WDR64: variants seen among roughly 807,000 people sequenced by gnomAD.
WDR64 encodes WD repeat domain 64.
In WDR64, 112 loss-of-function variants were observed where a neutral mutation model predicts 139.3. The ratio of observed to expected loss-of-function variants is 0.80; its 90% CI spans 0.69 to 0.94. The LOEUF is 0.94. WDR64 is among the 40% of genes least tolerant of loss of function. The pLI, the probability that WDR64 is intolerant of heterozygous loss-of-function variation, is 0.00. For missense variants in WDR64, 1,206 were observed against 1,293.1 expected (o/e 0.93, Z 1.03); for synonymous variants, 444 against 437.7 (o/e 1.01, Z -0.18).
chr1:241,778,785 A>G (rs1658749450), intron 21 of WDR64, among the ~76,000 whole-genome samples: 1 of 152,124 alleles, frequency 6.6e-6, no homozygotes, highest in African/African-American at 2.4e-5. Context: ...TATAATACCA[A>G]AGTATTCCTA....
chr1:241,750,293 C>T (rs905068145), intron 14 of WDR64, among the ~76,000 whole-genome samples: 2 of 152,142 alleles, frequency 1.3e-5, no homozygotes, highest in African/African-American at 4.8e-5. Context: ...ATCATTTATC[C>T]TGGCTATTGA....
intron 8 of WDR64, among the ~76,000 whole-genome samples, chr1:241,694,651 G>C (rs546552048): frequency 6.6e-6 from 1 of 152,144 alleles, no homozygotes; most frequent in African/African-American, 2.4e-5. Context: ...AACGTATGCA[G>C]ATTGATATGC....
chr1:241,681,172 T>A (rs977628567), intron 6 of WDR64, among the ~76,000 whole-genome samples: 26 of 152,118 alleles, frequency 1.7e-4, no homozygotes, highest in Admixed American at 9.8e-4. Context: ...TTTGGTTACA[T>A]GAGTAAGCTC....
intron 1 of WDR64, among the ~76,000 whole-genome samples, chr1:241,654,630 C>G (rs144782741): frequency 5.8e-4 from 88 of 152,198 alleles, no homozygotes; most frequent in African/African-American, 2.0e-3. Context: ...TAGAGCATAG[C>G]TACCATCTAA....
At chr1:241,757,248 G>T (rs765655131) in intron 14 of WDR64, 35 bp from the exon 15 acceptor site, 1 of 1,575,458 alleles carries the variant, frequency 6.3e-7, no homozygotes, top group Non-Finnish European at 8.6e-7. Context: ...TAAAATAATT[G>T]AACTTTTCAT....
rs964518686 is a variant in WDR64 at position 241,795,341 on chromosome 1, A to G, written c.3078+54A>G. 5.4e-6 allele frequency: 8 copies of G among 1,494,568 alleles called. No homozygotes were observed. In the African/African-American group the frequency reaches 7.0e-5, roughly 13 times the overall value. The allele number at this position is 1,494,568 out of a possible 1,614,324, so 92.6% of individuals were successfully genotyped here. A position where few individuals can be genotyped will look rare whatever the true frequency, so the allele number is the denominator to read the frequency against. On this transcript the variant is annotated intron_variant, in intron 26 of 27. Transcript: ENST00000437684. Reference sequence around the variant, plus strand: ...GTCACAGAACAGTAGAGAATCTGCCATCTCATTCCTGACCCTGGGCTACCA... The same window carrying G: ...GTCACAGAACAGTAGAGAATCTGCCGTCTCATTCCTGACCCTGGGCTACCA...
chr1:241,770,473 T>A, intron 17 of WDR64, 148 bp from the exon 18 acceptor site: 1 of 646,396 alleles, frequency 1.5e-6, no homozygotes, highest in Non-Finnish European at 2.7e-6. Flanking sequence ...TTACACAGAA[T>A]ATAAGGCATG....
chr1:241,702,978 C>T (rs563003094), intron 8 of WDR64, among the ~76,000 whole-genome samples: 2 of 152,086 alleles, frequency 1.3e-5, no homozygotes, highest in Non-Finnish European at 2.9e-5. Context: ...TTCTATTGCA[C>T]CCTCCCTTGC....
chr1:241,692,148 A>G (rs1574013112), intron 8 of WDR64, among the ~76,000 whole-genome samples: 1 of 152,236 alleles, frequency 6.6e-6, no homozygotes, highest in East Asian at 1.9e-4. Flanking sequence ...CTCCAATTAA[A>G]GAAATCAAGG....
rs1191694960 is a variant in WDR64, at chr1:241,703,405, G to C, written c.975-8397G>C. On this transcript the variant is annotated intron_variant, in intron 8 of 27. Transcript: ENST00000437684. This position sits in a 1 kb window ranked among gnomAD's most constrained non-coding sequence, Gnocchi z 5.9. ...ATGGAACAACAGGAGAAAAGTCTGA[G>C]ATGAAGCATGTGGTAATTCAGCCAG... 6.6e-6 allele frequency among the ~76,000 whole-genome samples: 1 copy of C among 151,488 alleles called. No individual in the cohort carries two copies. Among genetic ancestry groups the C allele is most frequent in the Non-Finnish European group, 1.5e-5 (1 of 67,994 alleles).
intron 14 of WDR64, among the ~76,000 whole-genome samples, chr1:241,752,666 A>G (rs535897626): frequency 6.6e-6 from 1 of 152,316 alleles, no homozygotes; most frequent in East Asian, 1.9e-4. Context: ...CCTGGGCAAC[A>G]TAGTGAGACA....
At chr1:241,685,992 A>C (rs2148114705) in intron 7 of WDR64, among the ~76,000 whole-genome samples, 1 of 152,338 alleles carries the variant, frequency 6.6e-6, no homozygotes, top group Middle Eastern at 3.4e-3. Flanking sequence ...TAGATATGTG[A>C]AAAATGAGAT....
chr1:241,658,997 C>G (rs1665722745), intron 1 of WDR64, among the ~76,000 whole-genome samples: 1 of 151,924 alleles, frequency 6.6e-6, no homozygotes, highest in African/African-American at 2.4e-5. Context: ...CACAGATCAT[C>G]CCATCACCAG....
At chr1:241,765,218 T>C (rs1050682377) in intron 15 of WDR64, among the ~76,000 whole-genome samples, 6 of 150,914 alleles carry the variant, frequency 4.0e-5, no homozygotes, top group Admixed American at 2.6e-4. Flanking sequence ...CAAAGAAACA[T>C]GCCTAAAGGA....
chr1:241,794,596 C>T (rs901591680), intron 25 of WDR64, among the ~76,000 whole-genome samples: 2 of 148,922 alleles, frequency 1.3e-5, no homozygotes, highest in African/African-American at 5.0e-5. Flanking sequence ...GCAACCTCCG[C>T]CTCCTAGGTT....
intron 12 of WDR64, among the ~76,000 whole-genome samples, chr1:241,743,882 C>T (rs969219868): frequency 5.9e-5 from 9 of 152,114 alleles, no homozygotes; most frequent in African/African-American, 2.4e-5. Context: ...ATGTGTCTCT[C>T]CCTCCCATTC....
At chr1:241,681,026 A>G (rs907011994) in intron 6 of WDR64, among the ~76,000 whole-genome samples, 14 of 152,264 alleles carry the variant, frequency 9.2e-5, no homozygotes, top group Middle Eastern at 3.4e-3. Flanking sequence ...AAGGCAAAAT[A>G]TCCTTGCATT....
chr1:241,764,227 A>C (rs962968481), intron 15 of WDR64, among the ~76,000 whole-genome samples: 1 of 152,222 alleles, frequency 6.6e-6, no homozygotes, highest in African/African-American at 2.4e-5. Context: ...GAAGGGCTTT[A>C]AATGAGAAAT....
chr1:241,713,185 C>T (rs911506879), intron 9 of WDR64, among the ~76,000 whole-genome samples: 14 of 151,736 alleles, frequency 9.2e-5, no homozygotes, highest in African/African-American at 3.4e-4. Context: ...TTGGTGTGTA[C>T]CTGTAGCCCT....
Sources: allele counts gnomAD v4.1 joint callset (sites outside exome capture counted in the v4.1 genomes callset), GRCh38; gene constraint gnomAD v4.1.1; non-coding constraint Gnocchi (gnomAD v3.1); transcripts MANE v1.5; gene names NCBI Gene and HGNC (gene_info 2026-07-23, HGNC 2026-07-21).